NELL1: variants seen among roughly 807,000 people sequenced by gnomAD.
The protein encoded by NELL1 is neural EGFL like 1, also known as protein kinase C-binding protein NELL1.
In NELL1, 76 loss-of-function variants were observed where a neutral mutation model predicts 107.4. That is an observed-to-expected ratio of 0.71 (90% CI 0.59 to 0.86). NELL1 has a LOEUF of 0.86. NELL1 is among the 40% of genes least tolerant of loss of function. The pLI is 0.00. For missense variants in NELL1, 1,024 were observed against 1,005.5 expected (o/e 1.02, Z -0.25); for synonymous variants, 353 against 341.2 (o/e 1.03, Z -0.38).
intron 15 of NELL1, among the ~76,000 whole-genome samples, chr11:21,487,007 TC>T (rs979333494): frequency 6.6e-6 from 1 of 152,062 alleles, no homozygotes; most frequent in African/African-American, 2.4e-5. Flanking sequence ...ATTATCAATG[TC>T]TCCATGGACA....
At chr11:21,353,474 T>A (rs997219435) in intron 14 of NELL1, among the ~76,000 whole-genome samples, 8 of 152,218 alleles carry the variant, frequency 5.3e-5, no homozygotes, top group African/African-American at 1.9e-4. Context: ...ACCTCCACCA[T>A]GCTGCCTATA....
At chr11:20,817,570 A>G (rs1251846347) in intron 3 of NELL1, among the ~76,000 whole-genome samples, 1 of 151,398 alleles carries the variant, frequency 6.6e-6, no homozygotes, top group Non-Finnish European at 1.5e-5. Context: ...AATCTTCTTT[A>G]TCCTTTCAAA....
chr11:21,148,861 T>C (rs1229876412), intron 13 of NELL1, among the ~76,000 whole-genome samples: 1 of 152,212 alleles, frequency 6.6e-6, no homozygotes, highest in Non-Finnish European at 1.5e-5. Flanking sequence ...ATTCGTTATA[T>C]TACATTACCT....
chr11:21,378,821 G>A (rs563103658), intron 15 of NELL1, among the ~76,000 whole-genome samples: 10 of 150,622 alleles, frequency 6.6e-5, no homozygotes, highest in Non-Finnish European at 1.3e-4. Flanking sequence ...GGGTTCAAGC[G>A]ATTCTTGTGC....
chr11:21,538,239 C>G (rs79544767), intron 16 of NELL1, among the ~76,000 whole-genome samples: 2 of 152,160 alleles, frequency 1.3e-5, no homozygotes, highest in Non-Finnish European at 2.9e-5. Flanking sequence ...TCATGTCACT[C>G]TATGTCACTT....
chr11:20,938,085 G>A (rs1465345810), intron 10 of NELL1, among the ~76,000 whole-genome samples: 1 of 152,166 alleles, frequency 6.6e-6, no homozygotes, highest in Non-Finnish European at 1.5e-5. Flanking sequence ...AAGCTATTAA[G>A]GCAAGGATGT....
chr11:20,814,736 G>GT (rs1248845723), intron 3 of NELL1, among the ~76,000 whole-genome samples: 2 of 152,146 alleles, frequency 1.3e-5, no homozygotes, highest in African/African-American at 2.4e-5. Context: ...TGTCTTTGCT[G>GT]TTGTGACTAG....
At chr11:21,450,103 T>A (rs1469855120) in intron 15 of NELL1, among the ~76,000 whole-genome samples, 1 of 152,190 alleles carries the variant, frequency 6.6e-6, no homozygotes, top group East Asian at 1.9e-4. Flanking sequence ...TGATGCAGCT[T>A]TAGGTTACTT....
At chr11:21,338,423 G>T (rs1850485334) in intron 14 of NELL1, among the ~76,000 whole-genome samples, 2 of 152,170 alleles carry the variant, frequency 1.3e-5, no homozygotes, top group Admixed American at 6.5e-5. Context: ...AGACTTTGCT[G>T]GATGGACATG....
chr11:21,441,332 TG>T (rs61057713), intron 15 of NELL1, among the ~76,000 whole-genome samples: 5,273 of 104,118 alleles, frequency 0.051, 176 homozygotes, highest in Admixed American at 0.063. Flanking sequence ...GGCTGTGACG[TG>T]TGTGTGTGTG....
intron 12 of NELL1, among the ~76,000 whole-genome samples, chr11:21,042,612 G>A (rs1259663121): frequency 2.0e-5 from 3 of 152,002 alleles, no homozygotes; most frequent in Non-Finnish European, 4.4e-5. Context: ...AGCACCAGGT[G>A]CCTGAAATGG....
At chr11:21,285,205 A>G (rs1189675602) in intron 14 of NELL1, among the ~76,000 whole-genome samples, 1 of 152,162 alleles carries the variant, frequency 6.6e-6, no homozygotes, top group African/African-American at 2.4e-5. Context: ...TGAATTGAGG[A>G]CATTCTTATC....
At chr11:21,040,265 C>T (rs1454436193) in intron 12 of NELL1, among the ~76,000 whole-genome samples, 3 of 151,950 alleles carry the variant, frequency 2.0e-5, no homozygotes, top group African/African-American at 7.2e-5. Flanking sequence ...GAACAATATC[C>T]TATCACAAAG....
At chr11:21,060,141 C>T (rs1352706795) in intron 12 of NELL1, among the ~76,000 whole-genome samples, 4 of 152,120 alleles carry the variant, frequency 2.6e-5, no homozygotes, top group Admixed American at 2.0e-4. Flanking sequence ...TTCATTTCTA[C>T]AAGCTGTATC....
At chr11:21,510,313 A>G (rs916885277) in intron 15 of NELL1, among the ~76,000 whole-genome samples, 11 of 152,238 alleles carry the variant, frequency 7.2e-5, no homozygotes, top group African/African-American at 1.4e-4. Flanking sequence ...AGGGGAGCAC[A>G]GAATCCAAAT....
intron 13 of NELL1, among the ~76,000 whole-genome samples, chr11:21,120,306 A>T (rs938652172): frequency 2.0e-5 from 3 of 152,166 alleles, no homozygotes; most frequent in African/African-American, 7.2e-5. Flanking sequence ...CCCATGATGA[A>T]CTATACAAAT....
In NELL1 at chr11:20,976,211, GAT is replaced by G. The variant is rs139021017; in HGVS notation, c.1300+15654_1300+15655del. On this transcript the variant is annotated intron_variant, in intron 12 of 19. Coordinates refer to ENST00000357134, the MANE Select transcript of NELL1 (RefSeq NM_006157.5). ...TTATATCTGTACATATATATGTACA[GAT>G]ATGTGTGTGTATATATATACATGTA... is the stretch of plus-strand genomic sequence containing the variant. 2.2e-3 allele frequency among the ~76,000 whole-genome samples: 328 copies of G among 150,610 alleles called. 8 individuals carry two copies. The East Asian group carries it at 0.05, about 23-fold the overall frequency.
At chr11:20,697,646 CA>C (rs1564865788) in intron 2 of NELL1, among the ~76,000 whole-genome samples, 1 of 152,040 alleles carries the variant, frequency 6.6e-6, no homozygotes, top group Non-Finnish European at 1.5e-5. Flanking sequence ...AACTACGTTA[CA>C]GTTCAGAAGG....
At chr11:21,557,745 G>C (rs946842170) in intron 16 of NELL1, among the ~76,000 whole-genome samples, 2 of 152,028 alleles carry the variant, frequency 1.3e-5, no homozygotes, top group Non-Finnish European at 2.9e-5. Flanking sequence ...TCCCTGAAGG[G>C]CAGGGTTGTG....
Sources: gnomAD v4.1 joint callset for allele counts (sites outside exome capture counted in the v4.1 genomes callset) on GRCh38, gnomAD v4.1.1 for gene constraint, MANE v1.5 for transcripts, NCBI Gene and HGNC (gene_info 2026-07-23, HGNC 2026-07-21) for gene names.